The following MCC variants were observed in gnomAD, a reference collection of about 807,000 sequenced individuals.
MCC encodes MCC regulator of Wnt signaling pathway.
Under a neutral mutation model 116.2 loss-of-function variants are expected in MCC, and 90 were observed. That is an observed-to-expected ratio of 0.77 (90% CI 0.65 to 0.92). MCC has a LOEUF of 0.92. Among genes scored for constraint, MCC ranks in the 40% least tolerant of loss-of-function variants. The pLI, the probability that MCC is intolerant of heterozygous loss-of-function variation, is 0.00. For missense variants in MCC, 1,516 were observed against 1,312.2 expected, an observed-to-expected ratio of 1.16 and a Z score of -2.40; for synonymous variants, 578 against 510.5, an observed-to-expected ratio of 1.13 and a Z score of -1.78.
chr5:113,142,911 C>G (rs1179910190), intron 5 of MCC, among the ~76,000 whole-genome samples: 1 of 152,172 alleles, frequency 6.6e-6, no homozygotes, highest in African/African-American at 2.4e-5. Context: ...AAGCATTTCA[C>G]TCAACTTCTG....
chr5:113,287,296 C>T (rs1432696562), intron 3 of MCC, among the ~76,000 whole-genome samples: 1 of 152,058 alleles, frequency 6.6e-6, no homozygotes, highest in Non-Finnish European at 1.5e-5. Context: ...TAATTTGATT[C>T]CCTGGATCAA....
chr5:113,179,932 C>A (rs1761526257), intron 3 of MCC, among the ~76,000 whole-genome samples: 2 of 152,226 alleles, frequency 1.3e-5, no homozygotes, highest in Admixed American at 1.3e-4. Context: ...AAGAGACATA[C>A]ATACCTAAAC....
intron 1 of MCC, among the ~76,000 whole-genome samples, chr5:113,485,033 A>G (rs1433095081): frequency 6.6e-6 from 1 of 152,148 alleles, no homozygotes; most frequent in African/African-American, 2.4e-5. Flanking sequence ...ATTGATGGGG[A>G]TGATTCTGGG....
chr5:113,383,693 G>A (rs1581442446), intron 2 of MCC, among the ~76,000 whole-genome samples: 2 of 152,056 alleles, frequency 1.3e-5, no homozygotes, highest in South Asian at 2.1e-4. Context: ...TACTCAGAAA[G>A]TTTGTATTTC....
At chr5:113,082,580 T>C (rs956104296) in intron 11 of MCC, among the ~76,000 whole-genome samples, 3 of 152,194 alleles carry the variant, frequency 2.0e-5, no homozygotes, top group African/African-American at 4.8e-5. Context: ...TTTAACAATA[T>C]TAAGAATTTA....
intron 2 of MCC, among the ~76,000 whole-genome samples, chr5:113,353,474 CTT>C (rs765223047): frequency 3.7e-4 from 56 of 152,272 alleles, no homozygotes; most frequent in Non-Finnish European, 6.6e-4. Context: ...AAACCTCTCT[CTT>C]TATGGTCTCT....
At chr5:113,486,273 A>G (rs1439654673) in intron 1 of MCC, among the ~76,000 whole-genome samples, 4 of 152,212 alleles carry the variant, frequency 2.6e-5, no homozygotes, top group African/African-American at 9.6e-5. Context: ...AAGCAGACAC[A>G]TTAAAGTAAT....
chr5:113,132,636 C>T (rs573804808), intron 5 of MCC, among the ~76,000 whole-genome samples: 3 of 152,156 alleles, frequency 2.0e-5, no homozygotes, highest in East Asian at 3.9e-4. Context: ...TAGTTCTTTA[C>T]TTAATGAAGT....
intron 3 of MCC, among the ~76,000 whole-genome samples, chr5:113,184,316 C>T (rs192898519): frequency 8.5e-5 from 13 of 152,284 alleles, no homozygotes; most frequent in Admixed American, 5.9e-4. Flanking sequence ...CCCTGAAACT[C>T]AACTGGTTTT....
chr5:113,107,569 C>G (rs1050906910), intron 6 of MCC, among the ~76,000 whole-genome samples: 1 of 152,074 alleles, frequency 6.6e-6, no homozygotes. Context: ...GCAAAGGACC[C>G]AAGTGAGGAG....
intron 13 of MCC, among the ~76,000 whole-genome samples, chr5:113,066,322 C>T (rs923805543): frequency 9.2e-5 from 14 of 151,882 alleles, no homozygotes; most frequent in African/African-American, 2.4e-4. Context: ...TTTCTTAATA[C>T]GTATATTAAT....
chr5:113,465,172 C>T (rs1156378189), intron 1 of MCC, among the ~76,000 whole-genome samples: 1 of 140,272 alleles, frequency 7.1e-6, no homozygotes, highest in South Asian at 2.2e-4. Flanking sequence ...TATAAAGCAA[C>T]AGTATTGAGC....
At chr5:113,332,857 A>G (rs970024682) in intron 3 of MCC, among the ~76,000 whole-genome samples, 2 of 151,676 alleles carry the variant, frequency 1.3e-5, no homozygotes, top group Non-Finnish European at 2.9e-5. Context: ...CTCCTGAAAT[A>G]TCAGCTGATT....
intron 3 of MCC, among the ~76,000 whole-genome samples, chr5:113,270,924 C>T (rs1179435281): frequency 2.0e-5 from 3 of 151,758 alleles, no homozygotes; most frequent in Non-Finnish European, 4.4e-5. Context: ...TATATATATA[C>T]AAACAAAAAG....
chr5:113,365,848 C>T (rs180966749), intron 2 of MCC, among the ~76,000 whole-genome samples: 267 of 152,256 alleles, frequency 1.8e-3, no homozygotes, highest in Non-Finnish European at 3.0e-3. Context: ...GGAGGTGTTA[C>T]ATGCTTTTAA....
At chr5:113,050,126 T>G (rs1317692192) in intron 15 of MCC, among the ~76,000 whole-genome samples, 1 of 152,116 alleles carries the variant, frequency 6.6e-6, no homozygotes, top group African/African-American at 2.4e-5. Context: ...TGCAACTATC[T>G]CCATTGACAG....
At chr5:113,383,358 TC>T (rs1238256050) in intron 2 of MCC, among the ~76,000 whole-genome samples, 2 of 152,212 alleles carry the variant, frequency 1.3e-5, no homozygotes, top group Admixed American at 1.3e-4. Context: ...CTTCATTTCA[TC>T]ATTTAATAAA....
At chr5:113,185,022 G>T (rs1404138650) in intron 3 of MCC, among the ~76,000 whole-genome samples, 1 of 152,192 alleles carries the variant, frequency 6.6e-6, no homozygotes, top group South Asian at 2.1e-4. Flanking sequence ...AGGCTGCAAA[G>T]GCACCAGGGA....
At chr5:113,065,120 T>C (rs1419937616) in intron 13 of MCC, among the ~76,000 whole-genome samples, 1 of 152,192 alleles carries the variant, frequency 6.6e-6, no homozygotes, top group East Asian at 1.9e-4. Context: ...AACCGTGGAC[T>C]CAAGTTGTTA....
Sources: gnomAD v4.1 joint callset for allele counts (sites outside exome capture counted in the v4.1 genomes callset) on GRCh38, gnomAD v4.1.1 for gene constraint, MANE v1.5 for transcripts, NCBI Gene and HGNC (gene_info 2026-07-23, HGNC 2026-07-21) for gene names.